ATXN1: variants seen among roughly 807,000 people sequenced by gnomAD.
ATXN1 encodes ataxin 1.
In ATXN1, 8 loss-of-function variants were observed where a neutral mutation model predicts 56.4. The observed-to-expected ratio is 0.14, with a 90% CI of 0.08 to 0.26. The LOEUF is 0.26. ATXN1 is among the 10% of genes least tolerant of loss of function. The pLI is 1.00. For missense variants in ATXN1, 987 were observed against 1,106.5 expected, an observed-to-expected ratio of 0.89 and a Z score of 1.53; for synonymous variants, 514 against 494.6, an observed-to-expected ratio of 1.04 and a Z score of -0.52.
At chr6:16,592,173 G>A (rs1189418745) in intron 3 of ATXN1, among the ~76,000 whole-genome samples, 2 of 152,046 alleles carry the variant, frequency 1.3e-5, no homozygotes, top group Non-Finnish European at 2.9e-5. Context: ...GGAGAGCTCT[G>A]CCCCCCTCCC....
chr6:16,577,318 G>A (rs1762442092), intron 4 of ATXN1, among the ~76,000 whole-genome samples: 1 of 152,118 alleles, frequency 6.6e-6, no homozygotes, highest in Admixed American at 6.5e-5. Flanking sequence ...GAGGCCAGGA[G>A]TTCGAGACCA....
intron 5 of ATXN1, among the ~76,000 whole-genome samples, chr6:16,507,388 C>T (rs1760998764): frequency 6.6e-6 from 1 of 152,206 alleles, no homozygotes; most frequent in Non-Finnish European, 1.5e-5. Flanking sequence ...AAACGTTCCT[C>T]ATGCCTCTAG....
intron 6 of ATXN1, among the ~76,000 whole-genome samples, chr6:16,448,454 C>T (rs1043573828): frequency 1.3e-5 from 2 of 152,170 alleles, no homozygotes; most frequent in African/African-American, 4.8e-5. Flanking sequence ...TTATTCATTA[C>T]TGATATATCA....
At chr6:16,321,462 G>A (rs929639368) in intron 7 of ATXN1, among the ~76,000 whole-genome samples, 5 of 152,208 alleles carry the variant, frequency 3.3e-5, no homozygotes, top group East Asian at 3.9e-4. Context: ...TTTGGTGCAC[G>A]CAGTAACAAT....
chr6:16,522,417 A>G (rs1006395600), intron 5 of ATXN1, among the ~76,000 whole-genome samples: 1 of 152,152 alleles, frequency 6.6e-6, no homozygotes, highest in Non-Finnish European at 1.5e-5. Flanking sequence ...AACGGCAAAA[A>G]AGAAATCGCA....
At chr6:16,738,331 T>C (rs895904746) in intron 2 of ATXN1, 1 of 152,242 alleles carries the variant, frequency 6.6e-6, no homozygotes, top group Non-Finnish European at 1.5e-5. Flanking sequence ...ACACTGGCTA[T>C]TAGCTTTCAG....
At chr6:16,514,685 A>G (rs1266444947) in intron 5 of ATXN1, among the ~76,000 whole-genome samples, 1 of 152,142 alleles carries the variant, frequency 6.6e-6, no homozygotes, top group Non-Finnish European at 1.5e-5. Context: ...GGGTTCTGCC[A>G]CAGGCTCTCT....
intron 4 of ATXN1, among the ~76,000 whole-genome samples, chr6:16,574,781 T>C (rs967150953): frequency 6.6e-6 from 1 of 151,220 alleles, no homozygotes; most frequent in Admixed American, 6.6e-5. Flanking sequence ...CAACAAACCG[T>C]AGGGTGTATT....
At chr6:16,318,745 G>T (rs545643663) in intron 7 of ATXN1, among the ~76,000 whole-genome samples, 1 of 152,180 alleles carries the variant, frequency 6.6e-6, no homozygotes, top group African/African-American at 2.4e-5. Context: ...TTAAAAGCTG[G>T]GTTTTTCTTA....
intron 3 of ATXN1, among the ~76,000 whole-genome samples, chr6:16,613,019 A>G (rs1763139482): frequency 6.6e-6 from 1 of 150,808 alleles, no homozygotes; most frequent in Non-Finnish European, 1.5e-5. Context: ...TAATCCCAGC[A>G]CTTTGGGAGG....
intron 3 of ATXN1, among the ~76,000 whole-genome samples, chr6:16,595,353 C>T (rs749228182): frequency 1.3e-5 from 2 of 152,216 alleles, no homozygotes; most frequent in Non-Finnish European, 2.9e-5. Flanking sequence ...AAAGGGTGAG[C>T]TACGAATCGG....
chr6:16,692,097 C>G (rs988668238), intron 2 of ATXN1, among the ~76,000 whole-genome samples: 1 of 152,172 alleles, frequency 6.6e-6, no homozygotes, highest in African/African-American at 2.4e-5. Context: ...AACCTCATCT[C>G]TACTAAAAAT....
At chr6:16,484,133 T>A (rs1214363673) in intron 6 of ATXN1, among the ~76,000 whole-genome samples, 1 of 152,136 alleles carries the variant, frequency 6.6e-6, no homozygotes, top group Non-Finnish European at 1.5e-5. Flanking sequence ...GCTGATTGCT[T>A]AATAAAAAGG....
chr6:16,332,414 C>T (rs942761532), intron 6 of ATXN1, among the ~76,000 whole-genome samples: 3 of 152,046 alleles, frequency 2.0e-5, no homozygotes, highest in Non-Finnish European at 4.4e-5. Flanking sequence ...GAAAAAGAAA[C>T]GAAAGAAGAA....
intron 1 of ATXN1, among the ~76,000 whole-genome samples, chr6:16,756,872 GAGTGTT>G (rs1008768207): frequency 9.9e-5 from 15 of 152,210 alleles, no homozygotes; most frequent in Admixed American, 6.5e-4. Context: ...GAAACAAAAT[GAGTGTT>G]AGTGTTAGTC....
chr6:16,341,580 G>A lies in ATXN1; in HGVS notation c.-160-13110C>T, dbSNP rs759117663. On this transcript the variant is annotated intron_variant, in intron 6 of 7. Transcript: ENST00000436367. Reference sequence around the variant, plus strand: ...GTCCCCCAGGCTGGAATGCAGTGGCGTGATCTCGGCTCACTGCAAGCTCCA... The same window carrying A: ...GTCCCCCAGGCTGGAATGCAGTGGCATGATCTCGGCTCACTGCAAGCTCCA... Among the ~76,000 whole-genome samples, 18 of 147,784 alleles carry A rather than the reference G, an allele frequency of 1.2e-4. No homozygotes were observed. The South Asian group carries it at 1.5e-3, about 12-fold the overall frequency.
intron 5 of ATXN1, among the ~76,000 whole-genome samples, chr6:16,499,468 A>T (rs1438566439): frequency 1.3e-5 from 2 of 152,222 alleles, no homozygotes; most frequent in Non-Finnish European, 2.9e-5. Context: ...CAGAGCCATG[A>T]TGCTGAGCTT....
intron 2 of ATXN1, among the ~76,000 whole-genome samples, chr6:16,706,616 T>A (rs1759411808): frequency 6.6e-6 from 1 of 151,496 alleles, no homozygotes; most frequent in African/African-American, 2.4e-5. Context: ...TCCTAGCTAC[T>A]CAGGAGACTG....
chr6:16,664,315 G>A (rs751420029), intron 2 of ATXN1, among the ~76,000 whole-genome samples: 15 of 152,088 alleles, frequency 9.9e-5, no homozygotes, highest in African/African-American at 2.2e-4. Context: ...AATCAGATTC[G>A]CAAGTGAATT....
Sources: gnomAD v4.1 joint callset for allele counts (sites outside exome capture counted in the v4.1 genomes callset) on GRCh38, gnomAD v4.1.1 for gene constraint, MANE v1.5 for transcripts, NCBI Gene and HGNC (gene_info 2026-07-23, HGNC 2026-07-21) for gene names.